Variants in CDH13 observed in about 807,000 individuals in gnomAD.
The protein encoded by CDH13 is cadherin 13.
In CDH13, 24 loss-of-function variants were observed where a neutral mutation model predicts 63.8. The ratio of observed to expected loss-of-function variants is 0.38; its 90% CI spans 0.27 to 0.53. The LOEUF (loss-of-function observed/expected upper bound fraction) is 0.53. Among genes scored for constraint, CDH13 ranks in the 20% least tolerant of loss-of-function variants. The pLI is 0.85. For synonymous variants in CDH13, 503 were observed against 355.3 expected (o/e 1.42, Z -4.67); for missense variants, 1,049 against 903.1 (o/e 1.16, Z -2.07).
intron 6 of CDH13, among the ~76,000 whole-genome samples, chr16:83,392,665 C>G (rs1268593693): frequency 6.6e-6 from 1 of 152,186 alleles, no homozygotes; most frequent in Non-Finnish European, 1.5e-5. Flanking sequence ...AGACCAAGCC[C>G]TAAGTCGTGA....
At chr16:82,757,503 A>G (rs749200233) in intron 1 of CDH13, among the ~76,000 whole-genome samples, 4 of 152,240 alleles carry the variant, frequency 2.6e-5, no homozygotes, top group African/African-American at 4.8e-5. Flanking sequence ...ATTGCAAGAG[A>G]TAGCTGCTCT....
chr16:83,118,032 G>T (rs925642932), intron 3 of CDH13, among the ~76,000 whole-genome samples: 1 of 152,180 alleles, frequency 6.6e-6, no homozygotes, highest in Non-Finnish European at 1.5e-5. Context: ...ATAGAATCCA[G>T]CATGCGTGAG....
chr16:82,961,099 C>G (rs1906912229), intron 2 of CDH13, among the ~76,000 whole-genome samples: 1 of 152,190 alleles, frequency 6.6e-6, no homozygotes, highest in Non-Finnish European at 1.5e-5. Context: ...CCACTGCCTC[C>G]CCACACCCCC....
chr16:83,673,193 C>T (rs1422157157), intron 9 of CDH13, among the ~76,000 whole-genome samples: 1 of 152,186 alleles, frequency 6.6e-6, no homozygotes, highest in African/African-American at 2.4e-5. Context: ...TTGTCAAGTA[C>T]ACAATAAAAC....
At chr16:83,352,841 G>A (rs2090982931) in intron 6 of CDH13, among the ~76,000 whole-genome samples, 1 of 152,214 alleles carries the variant, frequency 6.6e-6, no homozygotes, top group Admixed American at 6.5e-5. Flanking sequence ...AGTGAACCGA[G>A]ATCGTGACAC....
intron 1 of CDH13, among the ~76,000 whole-genome samples, chr16:82,715,922 T>C (rs867222862): frequency 1.3e-5 from 2 of 152,346 alleles, no homozygotes; most frequent in South Asian, 4.1e-4. Flanking sequence ...ATCACAGTGT[T>C]ACCAGATGCC....
intron 5 of CDH13, among the ~76,000 whole-genome samples, chr16:83,249,260 A>G (rs569567691): frequency 2.0e-5 from 3 of 152,192 alleles, no homozygotes; most frequent in Non-Finnish European, 4.4e-5. Context: ...CGCTTGAGCC[A>G]GCTCATACCA....
At chr16:82,740,412 G>A (rs79655317) in intron 1 of CDH13, among the ~76,000 whole-genome samples, 1,822 of 152,268 alleles carry the variant, frequency 0.012, 40 homozygotes, top group African/African-American at 0.041. Flanking sequence ...AGCCCAACCC[G>A]CTTTCTTCAG....
At chr16:83,176,308 G>A (rs533406370) in intron 4 of CDH13, among the ~76,000 whole-genome samples, 6 of 151,884 alleles carry the variant, frequency 4.0e-5, no homozygotes, top group East Asian at 3.9e-4. Flanking sequence ...TCAGGAGTTC[G>A]AGACCAGCCT....
chr16:82,674,200 A>G (rs548152414), intron 1 of CDH13, among the ~76,000 whole-genome samples: 1 of 152,296 alleles, frequency 6.6e-6, no homozygotes, highest in South Asian at 2.1e-4. Flanking sequence ...CCCTTAAGGC[A>G]GCCTGGTGCC....
At chr16:82,645,369 TG>T (rs954479582) in intron 1 of CDH13, among the ~76,000 whole-genome samples, 1 of 152,212 alleles carries the variant, frequency 6.6e-6, no homozygotes, top group Non-Finnish European at 1.5e-5. Flanking sequence ...CGTCTATCCG[TG>T]GTGCTTGTTT....
intron 4 of CDH13, among the ~76,000 whole-genome samples, chr16:83,133,238 C>T (rs958639872): frequency 2.0e-5 from 3 of 152,132 alleles, no homozygotes; most frequent in Non-Finnish European, 4.4e-5. Context: ...TTACTGAAAA[C>T]GCAATGTCCA....
At chr16:83,250,444 G>A (rs1002568825) in intron 5 of CDH13, among the ~76,000 whole-genome samples, 6 of 152,174 alleles carry the variant, frequency 3.9e-5, no homozygotes, top group Admixed American at 1.3e-4. Flanking sequence ...GGGGCGTGAT[G>A]AGCCCTAGGG....
At chr16:83,045,895 G>T (rs1033638361) in intron 3 of CDH13, among the ~76,000 whole-genome samples, 4 of 152,232 alleles carry the variant, frequency 2.6e-5, no homozygotes, top group Non-Finnish European at 5.9e-5. Flanking sequence ...AATGTTTGTA[G>T]AAAAATTAGC....
chr16:83,140,736 C>T (rs891239139), intron 4 of CDH13, among the ~76,000 whole-genome samples: 3 of 152,080 alleles, frequency 2.0e-5, no homozygotes, highest in Admixed American at 1.3e-4. Flanking sequence ...ATTACAGGTG[C>T]GAGCCGCTGC....
chr16:83,707,103 G>C (rs1907195389), intron 10 of CDH13, among the ~76,000 whole-genome samples: 1 of 152,172 alleles, frequency 6.6e-6, no homozygotes, highest in South Asian at 2.1e-4. Flanking sequence ...GATACAAGAT[G>C]GAAAGCAGAA....
intron 4 of CDH13, among the ~76,000 whole-genome samples, chr16:83,216,926 A>G (rs2039552912): frequency 6.6e-6 from 1 of 152,112 alleles, no homozygotes; most frequent in South Asian, 2.1e-4. Flanking sequence ...GGATTAGTGG[A>G]TATATGTAAA....
intron 3 of CDH13, among the ~76,000 whole-genome samples, chr16:83,059,394 T>C (rs930630913): frequency 3.9e-5 from 6 of 152,086 alleles, no homozygotes; most frequent in African/African-American, 1.4e-4. Context: ...TGATTTGCAG[T>C]CATGTAAGCT....
intron 6 of CDH13, among the ~76,000 whole-genome samples, chr16:83,414,810 T>G (rs1323908758): frequency 1.3e-5 from 2 of 152,168 alleles, no homozygotes; most frequent in African/African-American, 4.8e-5. Flanking sequence ...TATCCACTCA[T>G]CCATCACTGA....
Sources: gnomAD v4.1 joint callset for allele counts (sites outside exome capture counted in the v4.1 genomes callset) on GRCh38, gnomAD v4.1.1 for gene constraint, MANE v1.5 for transcripts, NCBI Gene and HGNC (gene_info 2026-07-23, HGNC 2026-07-21) for gene names.